TEK: variants seen among roughly 807,000 people sequenced by gnomAD.
TEK encodes the protein angiopoietin-1 receptor.
In TEK, 43 loss-of-function variants were observed where a neutral mutation model predicts 131.8. The observed-to-expected ratio is 0.33, with a 90% CI of 0.26 to 0.42. The LOEUF (loss-of-function observed/expected upper bound fraction) is 0.42, where lower values mean the gene tolerates loss of function less well. Ranked by LOEUF, TEK falls within the 10% of genes least tolerant of loss-of-function variation. The pLI is 1.00. For synonymous variants in TEK, 580 were observed against 491.6 expected, an observed-to-expected ratio of 1.18 and a Z score of -2.38; for missense variants, 1,162 against 1,384.4, an observed-to-expected ratio of 0.84 and a Z score of 2.55.
At chr9:27,192,669 G>C (rs752933369) in intron 11 of TEK, 46 bp downstream of exon 11, 2 of 1,586,492 alleles carry the variant, frequency 1.3e-6, no homozygotes, top group East Asian at 2.3e-5. Context: ...GGGTGGGAGG[G>C]GGAGGAAGGG....
intron 19 of TEK, 77 bp downstream of exon 19, chr9:27,217,835 A>G: frequency 7.6e-7 from 1 of 1,315,164 alleles, no homozygotes; most frequent in Middle Eastern, 2.2e-4. Context: ...TTTTAAAAAG[A>G]TACAGGAATG....
At chr9:27,137,692 G>A (rs566245319) in intron 1 of TEK, among the ~76,000 whole-genome samples, 56 of 149,080 alleles carry the variant, frequency 3.8e-4, no homozygotes, top group Non-Finnish European at 4.9e-4. Context: ...GATTTACTTC[G>A]TTTTACTCTC....
intron 5 of TEK, 50 bp from the exon 6 acceptor site, chr9:27,173,172 C>T: frequency 6.2e-7 from 1 of 1,609,110 alleles, no homozygotes; most frequent in South Asian, 1.1e-5. Flanking sequence ...TTATGTATTT[C>T]AAGGGGTTGC....
At chr9:27,194,207 C>G (rs973665099) in intron 11 of TEK, among the ~76,000 whole-genome samples, 1 of 152,166 alleles carries the variant, frequency 6.6e-6, no homozygotes, top group Non-Finnish European at 1.5e-5. Context: ...GTGTTTTACT[C>G]CATTTACTAA....
intron 21 of TEK, among the ~76,000 whole-genome samples, chr9:27,221,714 A>G (rs1826090465): frequency 6.6e-6 from 1 of 152,160 alleles, no homozygotes; most frequent in Admixed American, 6.5e-5. Context: ...AAGGAATAGT[A>G]TCAACATCAA....
rs1825685418 is a variant in TEK at position 27,212,844 on chromosome 9, C to T, written c.2824C>T (p.Leu942Phe). 6.2e-7 allele frequency: 1 copy of T among 1,614,024 alleles called. No homozygotes were observed. The highest frequency in any genetic ancestry group is 8.5e-7 in the Non-Finnish European group (1 of 1,180,022). The change falls in exon 17 of 23, where the codon CTT becomes TTT. Residue 942 changes from leucine (L) to phenylalanine (F), a missense_variant. Coordinates refer to ENST00000380036, the MANE Select transcript of TEK (RefSeq NM_000459.5). ...GTCCACACTGTCCTCCCAGCAGCTCCTTCACTTCGCTGCCGACGTGGCCCG... is the reference window on the plus strand; with the variant it reads ...GTCCACACTGTCCTCCCAGCAGCTCTTTCACTTCGCTGCCGACGTGGCCCG... ...TASTLSSQQL[L>F]HFAADVARGM...
At position 27,157,927 on chromosome 9, in the gene TEK, G is replaced by A. The variant is rs764269402; in HGVS notation, c.149G>A (p.Arg50His). The A allele has an allele frequency of 1.8e-5, 29 of 1,613,554 alleles. No individual in the cohort carries two copies. The highest frequency in any genetic ancestry group is 2.2e-5 in the East Asian group (1 of 44,872). Residue 50 changes from arginine (R) to histidine (H), a missense_variant, in exon 2 of 23, where the codon CGC becomes CAC. By Grantham distance (29) the Arg-to-His change is conservative. Around this residue, in one of 6 missense-constraint regions of TEK, gnomAD observed 436 missense variants for 539.1 expected, o/e 0.81. Coordinates refer to ENST00000380036, the MANE Select transcript of TEK (RefSeq NM_000459.5). ...CTCACCTGCATTGCCTCTGGGTGGC[G>A]CCCCCATGAGCCCATCACCATAGGA... ...TSLTCIASGW[R>H]PHEPITIGRD...
chr9:27,128,822 G>A, intron 1 of TEK, among the ~76,000 whole-genome samples: 1 of 152,172 alleles, frequency 6.6e-6, no homozygotes, highest in East Asian at 1.9e-4. Flanking sequence ...TTTGCACATT[G>A]ATTTTCTATC....
chr9:27,199,578 A>G (rs1825147805), intron 12 of TEK, among the ~76,000 whole-genome samples: 1 of 152,130 alleles, frequency 6.6e-6, no homozygotes, highest in Admixed American at 6.5e-5. Context: ...ATGGTGCCTC[A>G]TTGTTAATTT....
chr9:27,134,571 C>A (rs1587496479), intron 1 of TEK, among the ~76,000 whole-genome samples: 1 of 152,100 alleles, frequency 6.6e-6, no homozygotes, highest in Non-Finnish European at 1.5e-5. Context: ...TGATTTGAAG[C>A]CTAGGGCTCT....
intron 2 of TEK, among the ~76,000 whole-genome samples, chr9:27,158,803 G>A (rs1272305442): frequency 6.6e-6 from 1 of 151,970 alleles, no homozygotes; most frequent in Non-Finnish European, 1.5e-5. Context: ...GGGATTACAG[G>A]CAAGCACCAC....
chr9:27,181,661 G>A (rs939734597), intron 7 of TEK, among the ~76,000 whole-genome samples: 2 of 151,996 alleles, frequency 1.3e-5, no homozygotes, highest in Admixed American at 6.6e-5. Flanking sequence ...ATAGTATGTC[G>A]TCTGTGGCTG....
chr9:27,142,499 C>G (rs895191731), intron 1 of TEK, among the ~76,000 whole-genome samples: 11 of 152,232 alleles, frequency 7.2e-5, no homozygotes, highest in African/African-American at 2.7e-4. Flanking sequence ...TAGCACTGGT[C>G]AGGCCATAAT....
chr9:27,146,863 G>C (rs144833880), intron 1 of TEK, among the ~76,000 whole-genome samples: 2,541 of 151,750 alleles, frequency 0.017, 73 homozygotes, highest in African/African-American at 0.058. Context: ...TCGAGTAGCT[G>C]GGACTACAGG....
In TEK at chr9:27,209,191, T is replaced by C; in HGVS notation, c.2646T>C (p.His882=). ...ELEVLCKLGH[H]PNIINLLGAC... ...AAGTTCTTTGTAAACTTGGACACCA[T>C]CCAAACATCATCAATCTCTTAGGAG... Residue 882 remains histidine, a synonymous_variant, in exon 16 of 23, where the codon CAT becomes CAC. Transcript: ENST00000380036. 1 of 1,614,046 alleles carries C rather than the reference T, an allele frequency of 6.2e-7. No individual in the cohort carries two copies. Among genetic ancestry groups the C allele is most frequent in the Non-Finnish European group, 8.5e-7 (1 of 1,179,928 alleles).
chr9:27,173,886 C>T lies in TEK; in HGVS notation c.901+524C>T, dbSNP rs540706958. ...TTGAAGCTGCAGTGAGCTATGATTG[C>T]ACCACTACACTCCAGCCTGGGCAAC... On this transcript the variant is annotated intron_variant, in intron 6 of 22. Coordinates refer to ENST00000380036, the MANE Select transcript of TEK (RefSeq NM_000459.5). Among the ~76,000 whole-genome samples, 138 of 150,708 alleles carry T rather than the reference C, an allele frequency of 9.2e-4. 2 individuals carry two copies. The highest frequency in any genetic ancestry group is 6.3e-3 in the South Asian group (30 of 4,726).
chr9:27,194,021 T>G (rs1261400700), intron 11 of TEK, among the ~76,000 whole-genome samples: 1 of 152,192 alleles, frequency 6.6e-6, no homozygotes, highest in Non-Finnish European at 1.5e-5. Flanking sequence ...TTGCCCAGGC[T>G]GGTCTTAAAC....
intron 15 of TEK, among the ~76,000 whole-genome samples, chr9:27,207,323 T>C (rs960769537): frequency 1.3e-5 from 2 of 152,232 alleles, no homozygotes; most frequent in African/African-American, 4.8e-5. Context: ...ATGCATTCAC[T>C]TGGGTTTCTT....
intron 1 of TEK, among the ~76,000 whole-genome samples, chr9:27,142,032 A>G (rs1822744808): frequency 6.6e-6 from 1 of 152,188 alleles, no homozygotes; most frequent in Non-Finnish European, 1.5e-5. Context: ...CATCCTTGGC[A>G]GGAGAAATAA....
Sources: gnomAD v4.1 joint callset for allele counts (sites outside exome capture counted in the v4.1 genomes callset) on GRCh38, gnomAD v4.1.1 for gene constraint, gnomAD v4.1.1 regional missense constraint, MANE v1.5 for transcripts, NCBI Gene and HGNC (gene_info 2026-07-23, HGNC 2026-07-21) for gene names.